KCNH5: variants seen among roughly 807,000 people sequenced by gnomAD.
KCNH5 encodes potassium voltage-gated channel subfamily H member 5.
Under a neutral mutation model 96.1 loss-of-function variants are expected in KCNH5, and 46 were observed. The ratio of observed to expected loss-of-function variants is 0.48; its 90% CI spans 0.38 to 0.61. The LOEUF (loss-of-function observed/expected upper bound fraction) is 0.61. Ranked by LOEUF, KCNH5 falls within the 20% of genes least tolerant of loss-of-function variation. The probability of loss-of-function intolerance (pLI) is 0.00; values close to 1 mark genes in which losing one functional copy is unlikely to be tolerated. For synonymous variants in KCNH5, 439 were observed against 449.8 expected, an observed-to-expected ratio of 0.98 and a Z score of 0.30; for missense variants, 907 against 1,225.8, an observed-to-expected ratio of 0.74 and a Z score of 3.88.
chr14:62,863,413 A>C (rs1172860713), intron 7 of KCNH5, among the ~76,000 whole-genome samples: 2 of 152,210 alleles, frequency 1.3e-5, no homozygotes, highest in East Asian at 3.9e-4. Context: ...GGATGAAATC[A>C]CAAGGCTATG....
intron 6 of KCNH5, among the ~76,000 whole-genome samples, chr14:62,966,640 C>G (rs1403070287): frequency 6.6e-6 from 1 of 152,172 alleles, no homozygotes; most frequent in Non-Finnish European, 1.5e-5. Flanking sequence ...GACTCTCCTG[C>G]TCAGATAAAT....
At chr14:63,040,632 G>C (rs972160255) in intron 1 of KCNH5, among the ~76,000 whole-genome samples, 1 of 152,028 alleles carries the variant, frequency 6.6e-6, no homozygotes, top group Admixed American at 6.6e-5. Flanking sequence ...CCAAAATAAT[G>C]TCCATTTGTT....
At position 62,704,217 on chromosome 14, in the gene KCNH5, A is replaced by C. The variant is rs2139895385; in HGVS notation, c.*3291T>G. ...CCATTTTTTTCTCTGATATACATAA[A>C]GTTGTTTGTAAAAAATACTTAGGAC... On this transcript the variant is annotated 3_prime_UTR_variant, in exon 11 of 11. Transcript: ENST00000322893. 1 of 152,006 alleles carries C rather than the reference A, an allele frequency of 6.6e-6. No homozygotes were observed. The highest frequency in any genetic ancestry group is 1.5e-5 in the Non-Finnish European group (1 of 67,808). The allele number at this position is 152,006 out of a possible 1,614,324, so 9.4% of individuals were successfully genotyped here.
chr14:62,877,549 T>C (rs1374543695), intron 7 of KCNH5, among the ~76,000 whole-genome samples: 3 of 152,104 alleles, frequency 2.0e-5, no homozygotes, highest in African/African-American at 7.2e-5. Flanking sequence ...TGAACAGACA[T>C]TTCTCAAAAC....
intron 7 of KCNH5, among the ~76,000 whole-genome samples, chr14:62,905,549 C>T (rs1032618084): frequency 2.0e-5 from 3 of 152,010 alleles, no homozygotes; most frequent in African/African-American, 7.2e-5. Context: ...TTGGACTTTC[C>T]CAAGAAAGAG....
intron 10 of KCNH5, among the ~76,000 whole-genome samples, chr14:62,740,515 C>T (rs1333981095): frequency 6.6e-6 from 1 of 152,094 alleles, no homozygotes; most frequent in Non-Finnish European, 1.5e-5. Flanking sequence ...CCTTTCTTTT[C>T]ACGGCACTCC....
chr14:62,853,861 G>A (rs1054843226), intron 7 of KCNH5, among the ~76,000 whole-genome samples: 1 of 151,758 alleles, frequency 6.6e-6, no homozygotes, highest in Non-Finnish European at 1.5e-5. Flanking sequence ...ACAAAAATTA[G>A]CTGGGCATGG....
chr14:62,819,308 T>C (rs985520895), intron 8 of KCNH5, among the ~76,000 whole-genome samples: 1 of 152,168 alleles, frequency 6.6e-6, no homozygotes, highest in East Asian at 1.9e-4. Flanking sequence ...TACTGATTCA[T>C]GCCACAATAT....
At chr14:62,884,665 T>C (rs1364684362) in intron 7 of KCNH5, among the ~76,000 whole-genome samples, 1 of 152,152 alleles carries the variant, frequency 6.6e-6, no homozygotes, top group African/African-American at 2.4e-5. Context: ...TTTCCATGTA[T>C]ACAGCTTTGA....
rs905460434 is a variant in KCNH5, at chr14:62,969,902, G to C, written c.942+10970C>G. Reference sequence around the variant, plus strand: ...CGCGGTGAAACCCTGTCTCTATCAAGATACAAAAAATTAGCCAGGCGTGGT... The same window carrying C: ...CGCGGTGAAACCCTGTCTCTATCAACATACAAAAAATTAGCCAGGCGTGGT... On this transcript the variant is annotated intron_variant, in intron 6 of 10. Transcript: ENST00000322893. Among the ~76,000 whole-genome samples, 8 of 149,612 alleles carry C rather than the reference G, an allele frequency of 5.3e-5. No individual in the cohort carries two copies. In the South Asian group the frequency reaches 8.4e-4, roughly 16 times the overall value.
intron 9 of KCNH5, among the ~76,000 whole-genome samples, chr14:62,799,166 C>A (rs1018808544): frequency 6.6e-5 from 10 of 152,074 alleles, no homozygotes; most frequent in Non-Finnish European, 2.9e-5. Flanking sequence ...AATAACACAG[C>A]AGTAAATGTT....
At chr14:62,888,579 T>C (rs1266894352) in intron 7 of KCNH5, among the ~76,000 whole-genome samples, 2 of 152,188 alleles carry the variant, frequency 1.3e-5, no homozygotes, top group African/African-American at 4.8e-5. Context: ...TAATTTTACA[T>C]ATATTCCTAT....
intron 10 of KCNH5, among the ~76,000 whole-genome samples, chr14:62,755,744 A>G (rs1885608278): frequency 6.6e-6 from 1 of 152,234 alleles, no homozygotes; most frequent in Non-Finnish European, 1.5e-5. Context: ...CAACACATTT[A>G]AAAGTCCATT....
intron 7 of KCNH5, among the ~76,000 whole-genome samples, chr14:62,876,329 A>C (rs1431493916): frequency 1.3e-5 from 2 of 152,242 alleles, no homozygotes; most frequent in African/African-American, 2.4e-5. Context: ...CACCACTTCT[A>C]TTATATATTT....
At chr14:62,913,246 AG>A (rs1398862933) in intron 7 of KCNH5, among the ~76,000 whole-genome samples, 1 of 151,630 alleles carries the variant, frequency 6.6e-6, no homozygotes, top group African/African-American at 2.4e-5. Context: ...TTTTTTTTTG[AG>A]ACGGAGTTTT....
chr14:62,967,406 T>C (rs1231318347), intron 6 of KCNH5, among the ~76,000 whole-genome samples: 1 of 152,016 alleles, frequency 6.6e-6, no homozygotes, highest in East Asian at 1.9e-4. Context: ...ATAAGTAATA[T>C]TGCCTAGAAA....
At chr14:63,024,854 A>T (rs1891496573) in intron 1 of KCNH5, among the ~76,000 whole-genome samples, 1 of 152,146 alleles carries the variant, frequency 6.6e-6, no homozygotes, top group Non-Finnish European at 1.5e-5. Context: ...CTCTTCCAAA[A>T]AATTAAAAAG....
At chr14:62,771,756 C>T (rs1390686193) in intron 10 of KCNH5, among the ~76,000 whole-genome samples, 1 of 152,128 alleles carries the variant, frequency 6.6e-6, no homozygotes, top group Admixed American at 6.6e-5. Flanking sequence ...TTATCAACAT[C>T]CAATGGGCCC....
intron 8 of KCNH5, among the ~76,000 whole-genome samples, chr14:62,843,741 C>T (rs922299078): frequency 6.6e-6 from 1 of 152,020 alleles, no homozygotes; most frequent in Non-Finnish European, 1.5e-5. Context: ...GCACATTTGT[C>T]GGTGGAGTTT....
Sources: gnomAD v4.1 joint callset for allele counts (sites outside exome capture counted in the v4.1 genomes callset) on GRCh38, gnomAD v4.1.1 for gene constraint, MANE v1.5 for transcripts, NCBI Gene and HGNC (gene_info 2026-07-23, HGNC 2026-07-21) for gene names.